The following GBE1 variants were observed in gnomAD, a reference collection of about 807,000 sequenced individuals.
GBE1 encodes the protein 1,4-alpha-glucan-branching enzyme.
GBE1 carries 70 observed loss-of-function variants against 88.8 expected under a neutral mutation model. That is an observed-to-expected ratio of 0.79 (90% CI 0.65 to 0.96). The LOEUF is 0.96. Among genes scored for constraint, GBE1 ranks in the 40% least tolerant of loss-of-function variants. GBE1 has a pLI of 0.00. For missense variants in GBE1, 872 were observed against 871.0 expected (o/e 1.00, Z -0.01); for synonymous variants, 284 against 300.1 (o/e 0.95, Z 0.56).
chr3:81,736,191 C>T (rs148380254), intron 1 of GBE1, among the ~76,000 whole-genome samples: 95 of 152,278 alleles, frequency 6.2e-4, no homozygotes, highest in Middle Eastern at 6.8e-3. Flanking sequence ...TGGGTATGTC[C>T]TCTGGAATCT....
chr3:81,545,722 T>C (rs1703197812), intron 12 of GBE1, among the ~76,000 whole-genome samples: 1 of 152,166 alleles, frequency 6.6e-6, no homozygotes, highest in Non-Finnish European at 1.5e-5. Context: ...CATGGTCAAC[T>C]GTGGCCTGAA....
In GBE1 at chr3:81,548,230, A is replaced by T. The variant is rs181559892; in HGVS notation, c.1619-11135T>A. Among the ~76,000 whole-genome samples, 359 of 151,664 alleles carry T rather than the reference A, an allele frequency of 2.4e-3. 4 individuals are homozygous for T. The highest frequency in any genetic ancestry group is 8.2e-3 in the African/African-American group (342 of 41,516). ...TCGACACTTTAACAAAAAATTGTAA[A>T]GGTTATAAAAATTGTAAGGGTTAAA... On this transcript the variant is annotated intron_variant, in intron 12 of 15. Transcript: ENST00000429644.
At chr3:81,564,570 T>C (rs796838196) in intron 12 of GBE1, among the ~76,000 whole-genome samples, 9 of 152,300 alleles carry the variant, frequency 5.9e-5, no homozygotes, top group African/African-American at 2.2e-4. Flanking sequence ...TTTTCTGTAT[T>C]CAGTTTGGTA....
intron 10 of GBE1, among the ~76,000 whole-genome samples, chr3:81,585,339 C>A (rs1008268345): frequency 6.6e-6 from 1 of 151,990 alleles, no homozygotes; most frequent in African/African-American, 2.4e-5. Context: ...GGTCTCATGG[C>A]ACCAGTTCAT....
At chr3:81,607,070 T>G (rs1704113340) in intron 7 of GBE1, among the ~76,000 whole-genome samples, 1 of 152,208 alleles carries the variant, frequency 6.6e-6, no homozygotes, top group Non-Finnish European at 1.5e-5. Context: ...ATTTATGGTT[T>G]TATTCACTTC....
chr3:81,547,647 CTCTCTCT>C (rs1703224840), intron 12 of GBE1, among the ~76,000 whole-genome samples: 1 of 150,316 alleles, frequency 6.7e-6, no homozygotes, highest in Non-Finnish European at 1.5e-5. Flanking sequence ...CTCTCTCTCT[CTCTCTCT>C]CTCTCTCTCT....
intron 7 of GBE1, among the ~76,000 whole-genome samples, chr3:81,610,348 ATC>A (rs1406682195): frequency 6.6e-6 from 1 of 152,218 alleles, no homozygotes; most frequent in Admixed American, 6.5e-5. Context: ...ACTGAAAAGT[ATC>A]TCTTTTAAAG....
intron 2 of GBE1, among the ~76,000 whole-genome samples, chr3:81,675,920 A>T (rs1230290797): frequency 6.6e-6 from 1 of 152,146 alleles, no homozygotes; most frequent in Non-Finnish European, 1.5e-5. Context: ...TAGGTATACA[A>T]ATAAAGACCA....
intron 2 of GBE1, among the ~76,000 whole-genome samples, chr3:81,682,622 T>C (rs1705366624): frequency 6.6e-6 from 1 of 152,102 alleles, no homozygotes; most frequent in Admixed American, 6.6e-5. Flanking sequence ...AGCAAAGATA[T>C]GGAAAAATTT....
rs1425084890 is a variant in GBE1, at chr3:81,750,617, G to GTA, written c.143+10756_143+10757dup. Among the ~76,000 whole-genome samples, 80 of 42,142 alleles carry GTA rather than the reference G, an allele frequency of 1.9e-3. 3 individuals are homozygous for GTA. Among genetic ancestry groups the GTA allele is most frequent in the Middle Eastern group, 0.011 (1 of 94 alleles). 27.6% of individuals were successfully genotyped at this position (42,142 alleles called of 152,430 possible). On this transcript the variant is annotated intron_variant, in intron 1 of 15. Coordinates refer to ENST00000429644, the MANE Select transcript of GBE1 (RefSeq NM_000158.4). ...TATATATATGTGTATATATATATAT[G>GTA]TATATATATATACGTATATATATAT...
At chr3:81,569,626 T>A (rs1703545863) in intron 12 of GBE1, among the ~76,000 whole-genome samples, 1 of 152,162 alleles carries the variant, frequency 6.6e-6, no homozygotes, top group Non-Finnish European at 1.5e-5. Context: ...TGGCCATCCA[T>A]GTACCCAGTT....
chr3:81,591,722 T>C (rs1054477262), intron 8 of GBE1, among the ~76,000 whole-genome samples: 2 of 152,158 alleles, frequency 1.3e-5, no homozygotes, highest in Admixed American at 1.3e-4. Context: ...GGTTATAGTA[T>C]ATTTCACTTA....
At chr3:81,557,777 C>A (rs1286490896) in intron 12 of GBE1, among the ~76,000 whole-genome samples, 1 of 151,882 alleles carries the variant, frequency 6.6e-6, no homozygotes, top group African/African-American at 2.4e-5. Context: ...AAAAGAGAAC[C>A]AGTAGAACAC....
At chr3:81,708,274 T>C (rs1705806258) in intron 1 of GBE1, among the ~76,000 whole-genome samples, 1 of 152,010 alleles carries the variant, frequency 6.6e-6, no homozygotes, top group Non-Finnish European at 1.5e-5. Context: ...TTCAATAAAA[T>C]ATTGAAATCT....
intron 2 of GBE1, among the ~76,000 whole-genome samples, chr3:81,698,682 G>A (rs1227210283): frequency 2.0e-5 from 3 of 152,100 alleles, no homozygotes; most frequent in Admixed American, 2.0e-4. Context: ...ATTGGGGGAG[G>A]AAACTGACAC....
At chr3:81,737,651 T>C (rs774507417) in intron 1 of GBE1, among the ~76,000 whole-genome samples, 393 of 151,396 alleles carry the variant, frequency 2.6e-3, no homozygotes, top group Non-Finnish European at 4.5e-3. Flanking sequence ...CTGGTACTTT[T>C]ATGTCTTCTT....
At chr3:81,588,919 A>G (rs1202768005) in intron 9 of GBE1, among the ~76,000 whole-genome samples, 1 of 152,140 alleles carries the variant, frequency 6.6e-6, no homozygotes, top group Non-Finnish European at 1.5e-5. Flanking sequence ...GGTAACAATC[A>G]TATAGTCTTG....
chr3:81,518,044 CCT>C (rs1559631157), intron 14 of GBE1, among the ~76,000 whole-genome samples: 1 of 151,322 alleles, frequency 6.6e-6, no homozygotes, highest in Non-Finnish European at 1.5e-5. Flanking sequence ...AATAGTATCT[CCT>C]TTTTAAAAAT....
At position 81,646,481 on chromosome 3, in the gene GBE1, T is replaced by C. The variant is rs1329289594; in HGVS notation, c.693A>G (p.Gly231=). ...CNVLPRIKGL[G]YNCIQLMAIM... ...TTGCCATCAACTGAATGCAGTTGTA[T>C]CCTATATAAGGCAATGGTCAAATCT... is the stretch of plus-strand genomic sequence containing the variant. Residue 231 remains glycine (G), a splice_region_variant and synonymous_variant, in exon 6 of 16, where the codon GGA becomes GGG. Coordinates refer to ENST00000429644, the MANE Select transcript of GBE1 (RefSeq NM_000158.4). The C allele has an allele frequency of 1.3e-6, 2 of 1,561,914 alleles. No homozygotes were observed. The highest frequency in any genetic ancestry group is 1.8e-5 in the Admixed American group (1 of 56,568).
Sources: gnomAD v4.1 joint callset for allele counts (sites outside exome capture counted in the v4.1 genomes callset) on GRCh38, gnomAD v4.1.1 for gene constraint, MANE v1.5 for transcripts, NCBI Gene and HGNC (gene_info 2026-07-23, HGNC 2026-07-21) for gene names.